Variants in E2F8 observed in about 807,000 individuals in gnomAD.
E2F8 encodes the protein transcription factor E2F8.
Under a neutral mutation model 80.8 loss-of-function variants are expected in E2F8, and 35 were observed. The observed-to-expected ratio is 0.43, with a 90% CI of 0.33 to 0.57. E2F8 has a LOEUF of 0.57. Among genes scored for constraint, E2F8 ranks in the 20% least tolerant of loss-of-function variants. The probability of loss-of-function intolerance (pLI) is 0.04; values close to 1 mark genes in which losing one functional copy is unlikely to be tolerated. For synonymous variants in E2F8, 386 were observed against 395.0 expected, an observed-to-expected ratio of 0.98 and a Z score of 0.27; for missense variants, 975 against 1,056.2, an observed-to-expected ratio of 0.92 and a Z score of 1.07.
At chr11:19,225,110 TC>T in intron 12 of E2F8, 110 bp downstream of exon 12, 2 of 1,455,706 alleles carry the variant, frequency 1.4e-6, no homozygotes, top group African/African-American at 2.8e-5. Flanking sequence ...CTCCTGACTT[TC>T]CCATCCTTTC....
At chr11:19,233,079 T>C (rs1851422229) in intron 6 of E2F8, among the ~76,000 whole-genome samples, 1 of 152,054 alleles carries the variant, frequency 6.6e-6, no homozygotes, top group Non-Finnish European at 1.5e-5. Flanking sequence ...GACTAACCAG[T>C]GAAACAAAGA....
In E2F8 at chr11:19,240,194, A is replaced by G; in HGVS notation, c.-73T>C. On this transcript the variant is annotated 5_prime_UTR_variant, in exon 2 of 13. Coordinates refer to ENST00000250024, the MANE Select transcript of E2F8 (RefSeq NM_024680.4). Reference sequence around the variant, plus strand: ...GTTCCTCCCCAAATCCCGATGGTTCAAGTAGTCCAATCAATTGTACTAAAA... The same window carrying G: ...GTTCCTCCCCAAATCCCGATGGTTCGAGTAGTCCAATCAATTGTACTAAAA... The G allele has an allele frequency of 5.9e-6, 6 of 1,012,634 alleles. No homozygotes were observed. The highest frequency in any genetic ancestry group is 8.5e-6 in the Non-Finnish European group (6 of 707,762). 62.7% of individuals were successfully genotyped at this position (1,012,634 alleles called of 1,614,324 possible).
chr11:19,229,419 T>C lies in E2F8; in HGVS notation c.1893+35A>G, dbSNP rs755907508. 5 of 1,562,978 alleles carry C rather than the reference T, an allele frequency of 3.2e-6. No individual in the cohort carries two copies. Among genetic ancestry groups the C allele is most frequent in the Non-Finnish European group, 4.3e-6 (5 of 1,158,012 alleles). On this transcript the variant is annotated intron_variant, in intron 10 of 12. Transcript: ENST00000250024. The surrounding 1 kb of genome is among the most constrained non-coding windows in gnomAD (Gnocchi z 4.3). ...ATCTTCCTGTAATAGACTAGGGAAT[T>C]CCTAAAGCTTTGTGCAGTTCAAGGC...
At chr11:19,232,924 T>C (rs1851418480) in intron 6 of E2F8, among the ~76,000 whole-genome samples, 2 of 152,192 alleles carry the variant, frequency 1.3e-5, no homozygotes, top group Non-Finnish European at 2.9e-5. Flanking sequence ...AAGAGTTTTG[T>C]TACAAAAAGT....
Position 19,225,213 on chromosome 11 carries a change from C to T in E2F8, c.2421+8G>A. On this transcript the variant is annotated splice_region_variant and intron_variant, in intron 12 of 12. Coordinates refer to ENST00000250024, the MANE Select transcript of E2F8 (RefSeq NM_024680.4). ...AGGAAAAATTAAATTAAGTAGAAAG[C>T]CTCTCACCTGTTGTGCCCCTGTCAC... 1 of 1,610,186 alleles carries T rather than the reference C, an allele frequency of 6.2e-7. No individual in the cohort carries two copies. Among genetic ancestry groups the T allele is most frequent in the Non-Finnish European group, 8.5e-7 (1 of 1,178,716 alleles).
Position 19,225,389 on chromosome 11 carries a change from A to C in E2F8, c.2253T>G (p.Ser751=), listed in dbSNP as rs754599767. The change falls in exon 12 of 13, where the codon TCT becomes TCG. Residue 751 remains serine, a synonymous_variant. Transcript: ENST00000250024. The part of the protein sequence containing the change: ...LGLISPNVQL[S]ASPGSGIVPV... The stretch of plus-strand genomic sequence containing the variant: ...GAACGATTCCAGACCCAGGGCTGGC[A>C]GACAACTGCACATTGGGTGAGATGA... 2.5e-6 allele frequency: 4 copies of C among 1,614,088 alleles called. No homozygotes were observed. The African/African-American group carries it at 5.3e-5, about 22-fold the overall frequency.
chr11:19,237,305 C>T lies in E2F8; in HGVS notation c.451+9G>A. On this transcript the variant is annotated intron_variant, in intron 4 of 12. Transcript: ENST00000250024. ...ATTAATTCTTTCAGTGAGTTCTTTG[C>T]ATACTTACTAAGTTCCTCTGCCACT... The T allele has an allele frequency of 6.2e-7, 1 of 1,613,702 alleles. No homozygotes were observed. Among genetic ancestry groups the T allele is most frequent in the Non-Finnish European group, 8.5e-7 (1 of 1,179,788 alleles).
Position 19,229,859 on chromosome 11 carries a change from C to T in E2F8, c.1488G>A (p.Met496Ile), listed in dbSNP as rs756456457. 6.2e-7 allele frequency: 1 copy of T among 1,613,982 alleles called. No individual in the cohort carries two copies. The highest frequency in any genetic ancestry group is 8.5e-7 in the Non-Finnish European group (1 of 1,179,980). Residue 496 changes from methionine (M) to isoleucine (I), a missense_variant, in exon 10 of 13, where the codon ATG (methionine) becomes ATA (isoleucine). Physicochemically the swap from Met to Ile is conservative, Grantham distance 10. Transcript: ENST00000250024. This position sits in a 1 kb window ranked among gnomAD's most constrained non-coding sequence, Gnocchi z 4.3. ...ACAAGGGGCTGGGGATCAGGGGAAC[C>T]ATTCCCAGGGGCTGGATGAGGGACG... ...TAPSLIQPLG[M>I]VPLIPSPLSS...
At chr11:19,239,974 T>C in intron 2 of E2F8, 133 bp downstream of exon 2, 1 of 513,988 alleles carries the variant, frequency 1.9e-6, no homozygotes, top group Non-Finnish European at 3.3e-6. Context: ...GGTTCATTTT[T>C]TCCAGGTCTT....
chr11:19,225,542 T>C lies in E2F8; in HGVS notation c.2100A>G (p.Leu700=), dbSNP rs1390677613. 1 of 1,614,026 alleles carries C rather than the reference T, an allele frequency of 6.2e-7. No homozygotes were observed. The highest frequency in any genetic ancestry group is 1.3e-5 in the African/African-American group (1 of 74,894). Residue 700 remains leucine (L), a synonymous_variant, in exon 12 of 13, where the codon CTA becomes CTG. Coordinates refer to ENST00000250024, the MANE Select transcript of E2F8 (RefSeq NM_024680.4). ...FPSFHVTPLK[L]MVSPTSVAAV... ...CTGCCACGGAAGTTGGTGAGACCAT[T>C]AGCTTCAACGGTGTTACATGAAAAG...
Position 19,229,901 on chromosome 11 carries a change from C to T in E2F8, c.1446G>A (p.Glu482=). ...TGAGGGACGGTGCTGTCAGCTCCAT[C>T]TCAGCATTCACTGGGGGGTCCAGAG... The part of the protein sequence containing the change: ...VAPLDPPVNA[E]MELTAPSLIQ... Residue 482 remains glutamate, a synonymous_variant, in exon 10 of 13, where the codon GAG becomes GAA. Transcript: ENST00000250024. This position sits in a 1 kb window ranked among gnomAD's most constrained non-coding sequence, Gnocchi z 4.3. 6.2e-7 allele frequency: 1 copy of T among 1,614,102 alleles called. No homozygotes were observed.
At position 19,229,722 on chromosome 11, in the gene E2F8, G is replaced by A; in HGVS notation, c.1625C>T (p.Pro542Leu). Residue 542 changes from proline to leucine, a missense_variant, in exon 10 of 13, where the codon CCA becomes CTA. Pro to Leu is a moderately conservative substitution (Grantham distance 98). Transcript: ENST00000250024. This position sits in a 1 kb window ranked among gnomAD's most constrained non-coding sequence, Gnocchi z 4.3. ...AGAAGAGTGGGTGGTGCACACCGTT[G>A]GGCTCAGGCCTTGGGGTGGCGTCAC... is the stretch of plus-strand genomic sequence containing the variant. ...QSVTPPQGLS[P>L]TVCTTHSSKA... 1 of 1,614,196 alleles carries A rather than the reference G, an allele frequency of 6.2e-7. No homozygotes were observed. The highest frequency in any genetic ancestry group is 8.5e-7 in the Non-Finnish European group (1 of 1,180,034).
rs578235234 is a variant in E2F8 at position 19,224,387 on chromosome 11, C to T, written c.*271G>A. ...TAGCTAAAATAATGGATTTTTCCCC[C>T]TAGAAGTTAATATATCTTAGAGTTC... On this transcript the variant is annotated 3_prime_UTR_variant, in exon 13 of 13. Coordinates refer to ENST00000250024, the MANE Select transcript of E2F8 (RefSeq NM_024680.4). 3.5e-6 allele frequency: 1 copy of T among 287,270 alleles called. No homozygotes were observed. Among genetic ancestry groups the T allele is most frequent in the East Asian group, 6.6e-5 (1 of 15,236 alleles). The allele number at this position is 287,270 out of a possible 1,614,324, so 17.8% of individuals were successfully genotyped here.
In E2F8 at chr11:19,240,116, C is replaced by A; in HGVS notation, c.6G>T (p.Glu2Asp). 6.5e-7 allele frequency: 1 copy of A among 1,528,142 alleles called. No homozygotes were observed. Among genetic ancestry groups the A allele is most frequent in the South Asian group, 1.3e-5 (1 of 77,962 alleles). 94.7% of individuals were successfully genotyped at this position (1,528,142 alleles called of 1,614,324 possible). Residue 2 changes from glutamate to aspartate, a missense_variant, in exon 2 of 13, where the codon GAG becomes GAT. Physicochemically the swap from Glu to Asp is conservative, Grantham distance 45. Coordinates refer to ENST00000250024, the MANE Select transcript of E2F8 (RefSeq NM_024680.4). Reference protein sequence around the residue: MENEKENLFCEP... With the variant: MDNEKENLFCEP... ...TGAAGTTATAAAGTACCTTTTCGTTCTCCATTCTGTAAATTCCTCATACAT... is the reference window on the plus strand; with the variant it reads ...TGAAGTTATAAAGTACCTTTTCGTTATCCATTCTGTAAATTCCTCATACAT...
Position 19,230,639 on chromosome 11 carries a change from G to T in E2F8, c.1262C>A (p.Thr421Asn), listed in dbSNP as rs771896495. 5 of 1,614,054 alleles carry T rather than the reference G, an allele frequency of 3.1e-6. No homozygotes were observed. In the Middle Eastern group the frequency reaches 6.6e-4, roughly 214 times the overall value. ...INSAPSSPIK[T>N]NKAESSQNSA... ...CATTCCTGAAAACATACCTTTGTTGGTCTTGATAGGGCTACTGGGCGCAGA... is the reference window on the plus strand; with the variant it reads ...CATTCCTGAAAACATACCTTTGTTGTTCTTGATAGGGCTACTGGGCGCAGA... The change falls in exon 8 of 13, where the codon ACC (threonine) becomes AAC (asparagine). Residue 421 changes from threonine to asparagine, a missense_variant. Physicochemically the swap from Thr to Asn is moderately conservative, Grantham distance 65. Coordinates refer to ENST00000250024, the MANE Select transcript of E2F8 (RefSeq NM_024680.4).
chr11:19,226,449 C>T (rs1565066372), intron 10 of E2F8, among the ~76,000 whole-genome samples: 1 of 152,220 alleles, frequency 6.6e-6, no homozygotes, highest in Non-Finnish European at 1.5e-5. Context: ...ATTTCCCAAA[C>T]TATTTGGCAA....
chr11:19,224,760 G>A lies in E2F8; in HGVS notation c.2502C>T (p.Thr834=). The A allele has an allele frequency of 6.2e-7, 1 of 1,614,204 alleles. No homozygotes were observed. The highest frequency in any genetic ancestry group is 1.1e-5 in the South Asian group (1 of 91,090). ...FRTPGGPTKP[T]SSSCMDFEGA... is the part of the protein sequence containing the mutation. ...CCTCAAAATCCATGCAGGATGAGCT[G>A]GTTGGCTTGGTGGGTCCACCTGGGG... The change falls in exon 13 of 13, where the codon ACC becomes ACT. Residue 834 remains threonine, a synonymous_variant. Transcript: ENST00000250024.
chr11:19,225,463 G>C lies in E2F8; in HGVS notation c.2179C>G (p.Gln727Glu). The change falls in exon 12 of 13, where the codon CAG becomes GAG. Residue 727 changes from glutamine (Q) to glutamate (E), a missense_variant. Gln to Glu is a conservative substitution (Grantham distance 29). Transcript: ENST00000250024. Reference sequence around the variant, plus strand: ...TTTACAATGGCTGAGCTTGGGTTCTGGATGGGAACAGGGTGGCTTGAAGCG... The same window carrying C: ...TTTACAATGGCTGAGCTTGGGTTCTCGATGGGAACAGGGTGGCTTGAAGCG... Reference protein sequence around the residue: ...ALASSHPVPIQNPSSAIVNFT... With the variant: ...ALASSHPVPIENPSSAIVNFT... The C allele has an allele frequency of 6.2e-7, 1 of 1,614,232 alleles. No homozygotes were observed. Among genetic ancestry groups the C allele is most frequent in the East Asian group, 2.2e-5 (1 of 44,884 alleles).
chr11:19,234,758 A>G lies in E2F8; in HGVS notation c.752T>C (p.Val251Ala). The G allele has an allele frequency of 6.2e-7, 1 of 1,611,048 alleles. No individual in the cohort carries two copies. The highest frequency in any genetic ancestry group is 2.2e-5 in the East Asian group (1 of 44,856). Reference sequence around the variant, plus strand: ...CCATCTCTCACCTGCCCGAAATTCCACTCCAGGGAGTTCCACAAAACACAT... The same window carrying G: ...CCATCTCTCACCTGCCCGAAATTCCGCTCCAGGGAGTTCCACAAAACACAT... Reference protein sequence around the residue: ...PDMCFVELPGVEFRAASVNSR... With the variant: ...PDMCFVELPGAEFRAASVNSR... Residue 251 changes from valine (V) to alanine (A), a missense_variant, in exon 5 of 13, where the codon GTG (valine) becomes GCG (alanine). Coordinates refer to ENST00000250024, the MANE Select transcript of E2F8 (RefSeq NM_024680.4).
Sources: allele counts gnomAD v4.1 joint callset (sites outside exome capture counted in the v4.1 genomes callset), GRCh38; gene constraint gnomAD v4.1.1; non-coding constraint Gnocchi (gnomAD v3.1); transcripts MANE v1.5; gene names NCBI Gene and HGNC (gene_info 2026-07-23, HGNC 2026-07-21).